The following OR8J3 variants were observed in gnomAD, a reference collection of about 807,000 sequenced individuals.
OR8J3 encodes the protein olfactory receptor family 8 subfamily J member 3, also known as olfactory receptor 8J3.
For missense variants in OR8J3, 418 were observed against 379.8 expected, an observed-to-expected ratio of 1.10 and a Z score of -0.84; for synonymous variants, 170 against 142.6, an observed-to-expected ratio of 1.19 and a Z score of -1.37.
chr11:56,138,009 A>T lies in OR8J3; in HGVS notation c.-291T>A. On this transcript the variant is annotated 5_prime_UTR_variant, in exon 2 of 2. Coordinates refer to ENST00000642058, the MANE Select transcript of OR8J3 (RefSeq NM_001004064.2). ...GGTTTACTGCCTTGCAGTGTAATTG[A>T]ATTAAGAATATGTTCTTAGCTTACA... The T allele has an allele frequency of 2.9e-6, 1 of 347,058 alleles. No individual in the cohort carries two copies. Among genetic ancestry groups the T allele is most frequent in the South Asian group, 6.3e-5 (1 of 15,936 alleles). 21.5% of individuals were successfully genotyped at this position (347,058 alleles called of 1,614,324 possible). A position where few individuals can be genotyped will look rare whatever the true frequency, so the allele number is the denominator to read the frequency against.
rs1179934798 is a variant in OR8J3 at position 56,135,080 on chromosome 11, A to G, written c.*1691T>C. On this transcript the variant is annotated 3_prime_UTR_variant, in exon 2 of 2. Coordinates refer to ENST00000642058, the MANE Select transcript of OR8J3 (RefSeq NM_001004064.2). ...ATTTCATTTGTCATATTTGGCTACA[A>G]ACAATTTTATGGTCTTCTAGCATTT... 6.6e-6 allele frequency: 1 copy of G among 151,994 alleles called. No homozygotes were observed. The highest frequency in any genetic ancestry group is 6.6e-5 in the Admixed American group (1 of 15,254). The allele number at this position is 151,994 out of a possible 1,614,324, so 9.4% of individuals were successfully genotyped here. A position where few individuals can be genotyped will look rare whatever the true frequency, so the allele number is the denominator to read the frequency against.
At position 56,137,908 on chromosome 11, in the gene OR8J3, G is replaced by A. The variant is rs374812897; in HGVS notation, c.-190C>T. On this transcript the variant is annotated 5_prime_UTR_variant, in exon 2 of 2. Transcript: ENST00000642058. ...AATAAATCAGCTTTGCAATCACTTG[G>A]GAGAGAGTAAAGCAAGTATGGTAAA... The A allele has an allele frequency of 2.4e-5, 14 of 571,836 alleles. No individual in the cohort carries two copies. In the East Asian group the frequency reaches 3.5e-4, roughly 14 times the overall value. 35.4% of individuals were successfully genotyped at this position (571,836 alleles called of 1,614,324 possible). A position where few individuals can be genotyped will look rare whatever the true frequency, so the allele number is the denominator to read the frequency against.
Position 56,137,827 on chromosome 11 carries a change from G to T in OR8J3, c.-109C>A. 2 of 850,422 alleles carry T rather than the reference G, an allele frequency of 2.4e-6. No individual in the cohort carries two copies. The highest frequency in any genetic ancestry group is 1.8e-6 in the Non-Finnish European group (1 of 543,546). 52.7% of individuals were successfully genotyped at this position (850,422 alleles called of 1,614,324 possible). A position where few individuals can be genotyped will look rare whatever the true frequency, so the allele number is the denominator to read the frequency against. On this transcript the variant is annotated 5_prime_UTR_variant, in exon 2 of 2. It introduces an in-frame stop codon into an upstream open reading frame of the 5' UTR. Coordinates refer to ENST00000642058, the MANE Select transcript of OR8J3 (RefSeq NM_001004064.2). ...GATGGCAAGGACAATTCCTGGGTGT[G>T]ATCTTCTTGTCATGTATTAATCTAA...
Position 56,137,606 on chromosome 11 carries a change from G to A in OR8J3, c.113C>T (p.Thr38Ile), listed in dbSNP as rs756092293. 9 of 1,614,200 alleles carry A rather than the reference G, an allele frequency of 5.6e-6. No homozygotes were observed. Among genetic ancestry groups the A allele is most frequent in the Non-Finnish European group, 7.6e-6 (9 of 1,180,038 alleles). The change falls in exon 2 of 2, where the codon ACC becomes ATC. Residue 38 changes from threonine to isoleucine, a missense_variant. Physicochemically the swap from Thr to Ile is moderately conservative, Grantham distance 89. Transcript: ENST00000642058. Reference sequence around the variant, plus strand: ...GATGATGCCCAGGTTCCCTGCCATGGTCAGCACATAGAGCACTAGGAAGAC... The same window carrying A: ...GATGATGCCCAGGTTCCCTGCCATGATCAGCACATAGAGCACTAGGAAGAC... ...FLVFLVLYVL[T>I]MAGNLGIITL...
Position 56,136,677 on chromosome 11 carries a change from A to C in OR8J3, c.*94T>G. 1.6e-6 allele frequency: 1 copy of C among 612,372 alleles called. No individual in the cohort carries two copies. The highest frequency in any genetic ancestry group is 2.7e-6 in the Non-Finnish European group (1 of 377,054). 37.9% of individuals were successfully genotyped at this position (612,372 alleles called of 1,614,324 possible). A position where few individuals can be genotyped will look rare whatever the true frequency, so the allele number is the denominator to read the frequency against. On this transcript the variant is annotated 3_prime_UTR_variant, in exon 2 of 2. Coordinates refer to ENST00000642058, the MANE Select transcript of OR8J3 (RefSeq NM_001004064.2). The stretch of plus-strand genomic sequence containing the variant: ...TGATCTTTAAATCTTACCTCTTGGT[A>C]ATTCTTAGGATTGCTTGTAAACTTA...
At position 56,134,819 on chromosome 11, in the gene OR8J3, T is replaced by A. The variant is rs1854314981; in HGVS notation, c.*1952A>T. ...AATACTCTTCACAATACCAGGCTAG[T>A]ATAGATGCCCAAACATTTCTGGCAA... On this transcript the variant is annotated 3_prime_UTR_variant, in exon 2 of 2. Transcript: ENST00000642058. 6.6e-6 allele frequency: 1 copy of A among 152,048 alleles called. No homozygotes were observed. The highest frequency in any genetic ancestry group is 2.4e-5 in the African/African-American group (1 of 41,442). 9.4% of individuals were successfully genotyped at this position (152,048 alleles called of 1,614,324 possible). A position where few individuals can be genotyped will look rare whatever the true frequency, so the allele number is the denominator to read the frequency against.
Position 56,137,823 on chromosome 11 carries a change from GTGTGATCTTCT to G in OR8J3, c.-116_-106del. ...ACTAGATGGCAAGGACAATTCCTGG[GTGTGATCTTCT>G]TGTCATGTATTAATCTAATTCAGTT... On this transcript the variant is annotated 5_prime_UTR_variant, in exon 2 of 2. The change abolishes the stop of an existing upstream ORF in the 5' untranslated region. Coordinates refer to ENST00000642058, the MANE Select transcript of OR8J3 (RefSeq NM_001004064.2). 2.2e-6 allele frequency: 2 copies of G among 890,516 alleles called. No individual in the cohort carries two copies. The highest frequency in any genetic ancestry group is 3.5e-6 in the Non-Finnish European group (2 of 577,180). The allele number at this position is 890,516 out of a possible 1,614,324, so 55.2% of individuals were successfully genotyped here.
Position 56,136,494 on chromosome 11 carries a change from A to C in OR8J3, c.*277T>G. On this transcript the variant is annotated 3_prime_UTR_variant, in exon 2 of 2. Transcript: ENST00000642058. ...CTTGTTCCTATTTTGTTGCTCTGTT[A>C]AAACTTAACCTTTTAAAAACTGATA... is the stretch of plus-strand genomic sequence containing the variant. The C allele has an allele frequency of 5.0e-6, 1 of 199,458 alleles. No homozygotes were observed. The allele number at this position is 199,458 out of a possible 1,614,324, so 12.4% of individuals were successfully genotyped here.
chr11:56,137,945 A>C lies in OR8J3; in HGVS notation c.-227T>G, dbSNP rs1854352246. On this transcript the variant is annotated 5_prime_UTR_variant, in exon 2 of 2. Coordinates refer to ENST00000642058, the MANE Select transcript of OR8J3 (RefSeq NM_001004064.2). ...GCAAGTATGGTAAATTTAGTATGGC[A>C]AAGTAAATAGTTGTTTCAGCATCCT... 1.9e-6 allele frequency: 1 copy of C among 517,498 alleles called. No individual in the cohort carries two copies. The highest frequency in any genetic ancestry group is 3.0e-5 in the South Asian group (1 of 33,470). 32.1% of individuals were successfully genotyped at this position (517,498 alleles called of 1,614,324 possible).
In OR8J3 at chr11:56,135,627, C is replaced by A. The variant is rs1476412331; in HGVS notation, c.*1144G>T. 1 of 151,642 alleles carries A rather than the reference C, an allele frequency of 6.6e-6. No homozygotes were observed. Among genetic ancestry groups the A allele is most frequent in the Non-Finnish European group, 1.5e-5 (1 of 67,820 alleles). 9.4% of individuals were successfully genotyped at this position (151,642 alleles called of 1,614,324 possible). A position where few individuals can be genotyped will look rare whatever the true frequency, so the allele number is the denominator to read the frequency against. ...CATATCATAATTATTCATAATTATT[C>A]ATGACTGAAGATTTAGTTTCTTTGG... On this transcript the variant is annotated 3_prime_UTR_variant, in exon 2 of 2. Coordinates refer to ENST00000642058, the MANE Select transcript of OR8J3 (RefSeq NM_001004064.2).
rs1198554607 is a variant in OR8J3, at chr11:56,137,207, G to A, written c.512C>T (p.Ser171Phe). ...PCIFSVSYCS[S>F]NIINHFYCDI... ...ACAGTAAAAATGATTGATTATATTA[G>A]AAGAGCAATAAGACACAGAGAATAT... is the stretch of plus-strand genomic sequence containing the variant. Residue 171 changes from serine (S) to phenylalanine (F), a missense_variant, in exon 2 of 2, where the codon TCT (serine) becomes TTT (phenylalanine). Transcript: ENST00000642058. 1 of 1,613,992 alleles carries A rather than the reference G, an allele frequency of 6.2e-7. No individual in the cohort carries two copies. Among genetic ancestry groups the A allele is most frequent in the South Asian group, 1.1e-5 (1 of 91,074 alleles).
In OR8J3 at chr11:56,137,214, A is replaced by C. The variant is rs1489155338; in HGVS notation, c.505T>G (p.Cys169Gly). 1 of 1,614,106 alleles carries C rather than the reference A, an allele frequency of 6.2e-7. No individual in the cohort carries two copies. The highest frequency in any genetic ancestry group is 1.7e-5 in the Admixed American group (1 of 60,020). Residue 169 changes from cysteine to glycine, a missense_variant, in exon 2 of 2, where the codon TGC (cysteine) becomes GGC (glycine). Cys to Gly is a radical substitution (Grantham distance 159). Transcript: ENST00000642058. ...AAATGATTGATTATATTAGAAGAGCAATAAGACACAGAGAATATACAAGGT... is the reference window on the plus strand; with the variant it reads ...AAATGATTGATTATATTAGAAGAGCCATAAGACACAGAGAATATACAAGGT... ...VSPCIFSVSYCSSNIINHFYC... is the reference protein window; with the variant it reads ...VSPCIFSVSYGSSNIINHFYC...
At chr11:56,140,146 T>C (rs1220263989) in intron 1 of OR8J3, 27 bp downstream of exon 1, 1 of 152,206 alleles carries the variant, frequency 6.6e-6, no homozygotes, top group Non-Finnish European at 1.5e-5. Flanking sequence ...CCCTTGAAAA[T>C]TGTCAATGAT....
chr11:56,137,645 A>G lies in OR8J3; in HGVS notation c.74T>C (p.Ile25Thr). ...CACTAGGAAGACCAGGAAGAGGGGA[A>G]TCTGGAGCTCTGGACAGCTAGAGAC... ...TGVSSCPELQ[I>T]PLFLVFLVLY... is the part of the protein sequence containing the mutation. Residue 25 changes from isoleucine (I) to threonine (T), a missense_variant, in exon 2 of 2, where the codon ATT becomes ACT. Coordinates refer to ENST00000642058, the MANE Select transcript of OR8J3 (RefSeq NM_001004064.2). 1 of 1,614,206 alleles carries G rather than the reference A, an allele frequency of 6.2e-7. No homozygotes were observed. The highest frequency in any genetic ancestry group is 8.5e-7 in the Non-Finnish European group (1 of 1,180,030).
At position 56,135,054 on chromosome 11, in the gene OR8J3, T is replaced by C. The variant is rs1366762841; in HGVS notation, c.*1717A>G. On this transcript the variant is annotated 3_prime_UTR_variant, in exon 2 of 2. Coordinates refer to ENST00000642058, the MANE Select transcript of OR8J3 (RefSeq NM_001004064.2). ...TATATAGATCTGGTAAAATTCATTA[T>C]ATTTCATTTGTCATATTTGGCTACA... 1.3e-5 allele frequency: 2 copies of C among 152,034 alleles called. No homozygotes were observed. Among genetic ancestry groups the C allele is most frequent in the Admixed American group, 6.6e-5 (1 of 15,260 alleles). 9.4% of individuals were successfully genotyped at this position (152,034 alleles called of 1,614,324 possible). A position where few individuals can be genotyped will look rare whatever the true frequency, so the allele number is the denominator to read the frequency against.
rs754362338 is a variant in OR8J3, at chr11:56,135,570, T to C, written c.*1201A>G. On this transcript the variant is annotated 3_prime_UTR_variant, in exon 2 of 2. Transcript: ENST00000642058. ...TTTAATATTATAATTATTCATATCA[T>C]TCATAATTATTCATATCATAATTAT... is the stretch of plus-strand genomic sequence containing the variant. 6.6e-6 allele frequency: 1 copy of C among 151,964 alleles called. No homozygotes were observed. Among genetic ancestry groups the C allele is most frequent in the East Asian group, 1.9e-4 (1 of 5,186 alleles). 9.4% of individuals were successfully genotyped at this position (151,964 alleles called of 1,614,324 possible).
At position 56,137,577 on chromosome 11, in the gene OR8J3, G is replaced by A; in HGVS notation, c.142C>T (p.Leu48Phe). 1 of 1,614,214 alleles carries A rather than the reference G, an allele frequency of 6.2e-7. No individual in the cohort carries two copies. The highest frequency in any genetic ancestry group is 8.5e-7 in the Non-Finnish European group (1 of 1,180,034). ...TGAAGTCGAGAGTCAACACTGGTGA[G>A]GGTGATGATGCCCAGGTTCCCTGCC... is the stretch of plus-strand genomic sequence containing the variant. Reference protein sequence around the residue: ...TMAGNLGIITLTSVDSRLQNP... With the variant: ...TMAGNLGIITFTSVDSRLQNP... Residue 48 changes from leucine (L) to phenylalanine (F), a missense_variant, in exon 2 of 2, where the codon CTC becomes TTC. By Grantham distance (22) the Leu-to-Phe change is conservative. Transcript: ENST00000642058.
Position 56,136,980 on chromosome 11 carries a change from C to T in OR8J3, c.739G>A (p.Ala247Thr), listed in dbSNP as rs746620661. Residue 247 changes from alanine (A) to threonine (T), a missense_variant, in exon 2 of 2, where the codon GCA (alanine) becomes ACA (threonine). Coordinates refer to ENST00000642058, the MANE Select transcript of OR8J3 (RefSeq NM_001004064.2). ...ATTGTCCCATAGAAAACCGTGACTG[C>T]TATCATATGCGAAGCGCAGGTGGAA... Reference protein sequence around the residue: ...AFSTCASHMIAVTVFYGTMLF... With the variant: ...AFSTCASHMITVTVFYGTMLF... 3.1e-6 allele frequency: 5 copies of T among 1,613,498 alleles called. No homozygotes were observed. Among genetic ancestry groups the T allele is most frequent in the Non-Finnish European group, 4.2e-6 (5 of 1,179,840 alleles).
At position 56,137,182 on chromosome 11, in the gene OR8J3, A is replaced by G; in HGVS notation, c.537T>C (p.Cys179=). The change falls in exon 2 of 2, where the codon TGT becomes TGC. Residue 179 remains cysteine (C), a synonymous_variant. Coordinates refer to ENST00000642058, the MANE Select transcript of OR8J3 (RefSeq NM_001004064.2). ...CSSNIINHFY[C]DIAPLLALSC... ...ATAATGCTAACAGAGGTGCAATATC[A>G]CAGTAAAAATGATTGATTATATTAG... is the stretch of plus-strand genomic sequence containing the variant. 1 of 1,613,964 alleles carries G rather than the reference A, an allele frequency of 6.2e-7. No individual in the cohort carries two copies. The highest frequency in any genetic ancestry group is 8.5e-7 in the Non-Finnish European group (1 of 1,179,888).
Sources: gnomAD v4.1 joint callset for allele counts on GRCh38, gnomAD v4.1.1 for gene constraint, MANE v1.5 for transcripts, NCBI Gene and HGNC (gene_info 2026-07-23, HGNC 2026-07-21) for gene names.